Variants in DISP3 observed in about 807,000 individuals in gnomAD.
DISP3 encodes the protein dispatched RND transporter family member 3, also known as protein dispatched homolog 3.
Under a neutral mutation model 135.3 loss-of-function variants are expected in DISP3, and 101 were observed. The observed-to-expected ratio is 0.75, with a 90% confidence interval of 0.64 to 0.88. DISP3 has a LOEUF of 0.88. DISP3 is among the 40% of genes least tolerant of loss of function. DISP3 has a pLI of 0.00. For synonymous variants in DISP3, 856 were observed against 817.0 expected (o/e 1.05, Z -0.81); for missense variants, 1,713 against 1,878.6 (o/e 0.91, Z 1.63).
At chr1:11,515,653 G>C in intron 5 of DISP3, 150 bp downstream of exon 5, 1 of 1,280,764 alleles carries the variant, frequency 7.8e-7, no homozygotes, top group Admixed American at 2.9e-5. Context: ...GTTAGAATGT[G>C]GGTGGTGGGC....
chr1:11,526,203 G>A (rs1047542328), intron 12 of DISP3, among the ~76,000 whole-genome samples: 5 of 152,158 alleles, frequency 3.3e-5, no homozygotes, highest in Non-Finnish European at 5.9e-5. Flanking sequence ...AGCTTCGTGC[G>A]TGGCTGACTC....
intron 4 of DISP3, 85 bp downstream of exon 4, chr1:11,514,611 A>G (rs551344529): frequency 1.0e-5 from 15 of 1,484,040 alleles, no homozygotes; most frequent in African/African-American, 4.1e-5. Flanking sequence ...GAATGCTGCA[A>G]TACTCTTGAG....
Position 11,483,960 on chromosome 1 carries a change from T to G in DISP3, c.-4+4588T>G, listed in dbSNP as rs1640970252. ...GTCTCAGAATCCCAGGCCAGGGATCTTCCCAGGCAGCCGGACTGGCTTCCT... is the reference window on the plus strand; with the variant it reads ...GTCTCAGAATCCCAGGCCAGGGATCGTCCCAGGCAGCCGGACTGGCTTCCT... On this transcript the variant is annotated intron_variant, in intron 1 of 20. Coordinates refer to ENST00000294484, the MANE Select transcript of DISP3 (RefSeq NM_020780.2). The surrounding 1 kb of genome is among the most constrained non-coding windows in gnomAD (Gnocchi z 5.4). Among the ~76,000 whole-genome samples the G allele has an allele frequency of 6.6e-6, 1 of 152,198 alleles. No homozygotes were observed. Among genetic ancestry groups the G allele is most frequent in the South Asian group, 2.1e-4 (1 of 4,830 alleles).
intron 1 of DISP3, among the ~76,000 whole-genome samples, chr1:11,490,192 C>T (rs1254583606): frequency 1.3e-5 from 2 of 152,274 alleles, no homozygotes; most frequent in South Asian, 2.1e-4. Context: ...CCTGCTGACC[C>T]GTCAGGCCAG....
Position 11,501,111 on chromosome 1 carries a change from CA to C in DISP3, c.120del (p.Gly42AspfsTer185). On this transcript the variant is annotated frameshift_variant, in exon 2 of 21. Coordinates refer to ENST00000294484, the MANE Select transcript of DISP3 (RefSeq NM_020780.2). LOFTEE classifies it high-confidence loss of function. This position sits in a 1 kb window ranked among gnomAD's most constrained non-coding sequence, Gnocchi z 4.9. ...CAGAAGCCAGGGCCCCAACCTGGGG[CA>C]GGGGGACAGTGTTGCTGGCGGCACT... Reference protein sequence around the residue: ...GAQKPGPQPGAGGQCCWRHWP... With the variant: ...GAQKPGPQPGXGGQCCWRHWP... 1.2e-6 allele frequency: 2 copies of C among 1,613,880 alleles called. No homozygotes were observed. The highest frequency in any genetic ancestry group is 1.7e-6 in the Non-Finnish European group (2 of 1,179,902).
intron 1 of DISP3, among the ~76,000 whole-genome samples, chr1:11,482,504 T>A (rs1640928440): frequency 6.6e-6 from 1 of 151,994 alleles, no homozygotes; most frequent in African/African-American, 2.4e-5. Context: ...GGAGGTGGTG[T>A]CCCTAAGGGC....
At position 11,529,845 on chromosome 1, in the gene DISP3, C is replaced by T. The variant is rs1351806971; in HGVS notation, c.2988C>T (p.Cys996=). The change falls in exon 15 of 21, where the codon TGC becomes TGT. Residue 996 remains cysteine, a synonymous_variant. Coordinates refer to ENST00000294484, the MANE Select transcript of DISP3 (RefSeq NM_020780.2). This position sits in a 1 kb window ranked among gnomAD's most constrained non-coding sequence, Gnocchi z 4.7. The part of the protein sequence containing the change: ...FGFNPCVNTG[C]GKPAVRPLVD... Reference sequence around the variant, plus strand: ...TCAACCCCTGCGTGAACACGGGCTGCGGGAAGCCGGCGGTGCGGCCACTAG... The same window carrying T: ...TCAACCCCTGCGTGAACACGGGCTGTGGGAAGCCGGCGGTGCGGCCACTAG... 3 of 1,613,880 alleles carry T rather than the reference C, an allele frequency of 1.9e-6. No homozygotes were observed. Among genetic ancestry groups the T allele is most frequent in the South Asian group, 1.1e-5 (1 of 91,084 alleles).
At chr1:11,521,529 A>G (rs1201643415) in intron 10 of DISP3, among the ~76,000 whole-genome samples, 52 of 51,848 alleles carry the variant, frequency 1.0e-3, no homozygotes, top group Middle Eastern at 0.014. Context: ...GGGAGAGGAG[A>G]GAAGAGGAGA....
rs540201197 is a variant in DISP3 at position 11,497,534 on chromosome 1, G to A, written c.-3-3456G>A. On this transcript the variant is annotated intron_variant, in intron 1 of 20. Transcript: ENST00000294484. ...CCCCCGAGTAGCTGGGACTACAGGC[G>A]CCTGCAACCACGCCCAGCTAATTTT... Among the ~76,000 whole-genome samples the A allele has an allele frequency of 7.2e-5, 11 of 152,184 alleles. No individual in the cohort carries two copies. The East Asian group carries it at 1.2e-3, about 16-fold the overall frequency.
chr1:11,501,994 G>T lies in DISP3; in HGVS notation c.1002G>T (p.Ser334=), dbSNP rs1442228491. ...CGCTGGGCTCCTACTCCTACTGCTC[G>T]CCCCCCAGCTCGCTCATGACCTACT... ...DLPLGSYSYC[S]PPSSLMTYFF... The change falls in exon 2 of 21, where the codon TCG becomes TCT. Residue 334 remains serine (S), a synonymous_variant. Coordinates refer to ENST00000294484, the MANE Select transcript of DISP3 (RefSeq NM_020780.2). This position sits in a 1 kb window ranked among gnomAD's most constrained non-coding sequence, Gnocchi z 4.9. The T allele has an allele frequency of 2.5e-6, 4 of 1,613,630 alleles. No homozygotes were observed. Among genetic ancestry groups the T allele is most frequent in the South Asian group, 2.2e-5 (2 of 91,020 alleles).
At chr1:11,509,020 C>T (rs1641782994) in intron 3 of DISP3, among the ~76,000 whole-genome samples, 2 of 151,988 alleles carry the variant, frequency 1.3e-5, no homozygotes, top group South Asian at 4.1e-4. Context: ...CTTTTCTTTC[C>T]TAATAGAAGT....
chr1:11,516,226 C>A lies in DISP3; in HGVS notation c.1749+65C>A. ...CGCTCATGCATACCTAGCCGCTGGT[C>A]TCTGCCCTTCCCACCACCGCTTGAG... On this transcript the variant is annotated intron_variant, in intron 6 of 20. Transcript: ENST00000294484. This position sits in a 1 kb window ranked among gnomAD's most constrained non-coding sequence, Gnocchi z 5.1. 3 of 1,557,258 alleles carry A rather than the reference C, an allele frequency of 1.9e-6. No individual in the cohort carries two copies. Among genetic ancestry groups the A allele is most frequent in the South Asian group, 1.2e-5 (1 of 83,190 alleles).
Position 11,529,452 on chromosome 1 carries a change from C to A in DISP3, c.2799-104C>A. Reference sequence around the variant, plus strand: ...GCCGGGGCAGAGCCCGAGTCCAGACCCCATGACACCCCAGCCCCAGTCCCA... The same window carrying A: ...GCCGGGGCAGAGCCCGAGTCCAGACACCATGACACCCCAGCCCCAGTCCCA... On this transcript the variant is annotated intron_variant, in intron 13 of 20. Coordinates refer to ENST00000294484, the MANE Select transcript of DISP3 (RefSeq NM_020780.2). This position sits in a 1 kb window ranked among gnomAD's most constrained non-coding sequence, Gnocchi z 4.7. 7.3e-7 allele frequency: 1 copy of A among 1,361,448 alleles called. No homozygotes were observed. The highest frequency in any genetic ancestry group is 1.0e-6 in the Non-Finnish European group (1 of 997,920). 84.3% of individuals were successfully genotyped at this position (1,361,448 alleles called of 1,614,324 possible). A position where few individuals can be genotyped will look rare whatever the true frequency, so the allele number is the denominator to read the frequency against.
At chr1:11,489,547 C>T (rs2100366492) in intron 1 of DISP3, among the ~76,000 whole-genome samples, 1 of 152,360 alleles carries the variant, frequency 6.6e-6, no homozygotes, top group East Asian at 1.9e-4. Flanking sequence ...TCCAGTTATT[C>T]TGCAGAGAGG....
chr1:11,501,522 C>G lies in DISP3; in HGVS notation c.530C>G (p.Ala177Gly), dbSNP rs1378578005. The G allele has an allele frequency of 8.1e-6, 13 of 1,601,558 alleles. No homozygotes were observed. The highest frequency in any genetic ancestry group is 1.1e-5 in the Non-Finnish European group (13 of 1,173,948). ...QASRAPRVIP[A>G]ASLGGPGPYR... ...TCCCGAGCCCCCCGCGTCATCCCCG[C>G]GGCCTCACTCGGTGGCCCAGGCCCT... The change falls in exon 2 of 21, where the codon GCG (alanine) becomes GGG (glycine). Residue 177 changes from alanine (A) to glycine (G), a missense_variant. Ala to Gly is a moderately conservative substitution (Grantham distance 60). Coordinates refer to ENST00000294484, the MANE Select transcript of DISP3 (RefSeq NM_020780.2). The surrounding 1 kb of genome is among the most constrained non-coding windows in gnomAD (Gnocchi z 4.9).
chr1:11,533,728 G>GACACGCATGCAC (rs962906109), intron 17 of DISP3: 20 of 66,962 alleles, frequency 3.0e-4, no homozygotes, highest in Middle Eastern at 4.3e-3. Context: ...CCAGCACTCA[G>GACACGCATGCAC]ACACGCATGC....
At position 11,486,752 on chromosome 1, in the gene DISP3, A is replaced by G. The variant is rs572132074; in HGVS notation, c.-4+7380A>G. On this transcript the variant is annotated intron_variant, in intron 1 of 20. Transcript: ENST00000294484. ...GAGTGCAGTGCTGCAATCACAGCTCACTGCAGCCTCAAATGCCTGAGCTCA... is the reference window on the plus strand; with the variant it reads ...GAGTGCAGTGCTGCAATCACAGCTCGCTGCAGCCTCAAATGCCTGAGCTCA... Among the ~76,000 whole-genome samples, 9 of 152,084 alleles carry G rather than the reference A, an allele frequency of 5.9e-5. No homozygotes were observed. In the East Asian group the frequency reaches 1.7e-3, roughly 29 times the overall value.
At position 11,526,757 on chromosome 1, in the gene DISP3, C is replaced by A. The variant is rs756281532; in HGVS notation, c.2720C>A (p.Thr907Asn). 3.1e-6 allele frequency: 5 copies of A among 1,613,922 alleles called. No homozygotes were observed. Among genetic ancestry groups the A allele is most frequent in the Non-Finnish European group, 4.2e-6 (5 of 1,180,028 alleles). ...ASPSRKWMLT[T>N]LACDAKRGWK... The stretch of plus-strand genomic sequence containing the variant: ...CCCTCCCGCAAGTGGATGCTGACGA[C>A]CTTGGCCTGTGATGCCAAGCGGGGC... Residue 907 changes from threonine (T) to asparagine (N), a missense_variant, in exon 13 of 21, where the codon ACC (threonine) becomes AAC (asparagine). Around this residue, in one of 2 missense-constraint regions of DISP3, gnomAD observed 1,142 missense variants for 1,384.6 expected, o/e 0.82. Coordinates refer to ENST00000294484, the MANE Select transcript of DISP3 (RefSeq NM_020780.2).
At chr1:11,522,359 C>T (rs559400083) in intron 10 of DISP3, among the ~76,000 whole-genome samples, 2 of 152,116 alleles carry the variant, frequency 1.3e-5, no homozygotes, top group African/African-American at 2.4e-5. Flanking sequence ...ACTGCAGCTC[C>T]GAGAGGCACC....
Sources: gnomAD v4.1 joint callset for allele counts (sites outside exome capture counted in the v4.1 genomes callset) on GRCh38, gnomAD v4.1.1 for gene constraint, gnomAD v4.1.1 regional missense constraint, Gnocchi (gnomAD v3.1) non-coding constraint, MANE v1.5 for transcripts, NCBI Gene and HGNC (gene_info 2026-07-23, HGNC 2026-07-21) for gene names.